Variants in UPP2 observed in about 807,000 individuals in gnomAD.
UPP2 encodes UPase 2.
In UPP2, 23 loss-of-function variants were observed where a neutral mutation model predicts 26.7. The observed-to-expected ratio is 0.86, with a 90% CI of 0.62 to 1.22. The LOEUF is 1.22. Ranked by LOEUF, UPP2 falls within the 50% of genes most tolerant of loss-of-function variation. UPP2 has a pLI of 0.00. For synonymous variants in UPP2, 127 were observed against 141.3 expected (o/e 0.90, Z 0.72); for missense variants, 387 against 396.7 (o/e 0.98, Z 0.21).
At chr2:158,024,038 A>G (rs1683797017) in intron 3 of UPP2, among the ~76,000 whole-genome samples, 1 of 152,234 alleles carries the variant, frequency 6.6e-6, no homozygotes, top group African/African-American at 2.4e-5. Flanking sequence ...TTGAATGTGC[A>G]TTAAAAATTC....
In UPP2 at chr2:158,058,075, C is replaced by A. The variant is rs770833730; in HGVS notation, c.147+42189C>A. ...TTGGGAGGCCAAGGCGGGCGGATCACGAGGTCAGGAGATCGAGACCATCCT... is the reference window on the plus strand; with the variant it reads ...TTGGGAGGCCAAGGCGGGCGGATCAAGAGGTCAGGAGATCGAGACCATCCT... On this transcript the variant is annotated intron_variant, in intron 3 of 9. Coordinates refer to the UPP2 transcript ENST00000605860. 3.3e-5 allele frequency among the ~76,000 whole-genome samples: 5 copies of A among 151,976 alleles called. No individual in the cohort carries two copies. In the East Asian group the frequency reaches 7.7e-4, roughly 23 times the overall value.
chr2:158,114,731 G>A (rs189290871), intron 2 of UPP2, among the ~76,000 whole-genome samples: 6 of 152,296 alleles, frequency 3.9e-5, no homozygotes, highest in East Asian at 1.9e-4. Context: ...CTCACGTGCC[G>A]TGGCCTCAGA....
Position 158,115,268 on chromosome 2 carries a change from C to T in UPP2, c.339+9C>T. 1 of 1,588,470 alleles carries T rather than the reference C, an allele frequency of 6.3e-7. No homozygotes were observed. Among genetic ancestry groups the T allele is most frequent in the Non-Finnish European group, 8.6e-7 (1 of 1,167,864 alleles). ...CTGTGCTCGCCATCAGTGTAAGTAT[C>T]CATGGTTGCATTTCAGCTAGTCATT... On this transcript the variant is annotated intron_variant, in intron 3 of 6. Coordinates refer to ENST00000005756, the MANE Select transcript of UPP2 (RefSeq NM_173355.4).
At chr2:158,058,373 G>GCTCTCT (rs869246675) in intron 3 of UPP2, among the ~76,000 whole-genome samples, 26 of 37,596 alleles carry the variant, frequency 6.9e-4, no homozygotes, top group East Asian at 4.9e-3. Context: ...ATGCTTGTAT[G>GCTCTCT]CTCTCTCTCT....
chr2:158,024,566 T>C (rs942688973), intron 3 of UPP2, among the ~76,000 whole-genome samples: 1 of 152,206 alleles, frequency 6.6e-6, no homozygotes, highest in Admixed American at 6.5e-5. Flanking sequence ...ATTTTCAATG[T>C]TAAATGTCAT....
rs565657309 is a variant in UPP2, at chr2:158,109,914, G to GA, written c.180+3703dup. The stretch of plus-strand genomic sequence containing the variant: ...AAGGCAGGAAATAGTTTGAACTGAG[G>GA]AAAAATGAAAATACAACATATTATA... On this transcript the variant is annotated intron_variant, in intron 2 of 6. Transcript: ENST00000005756. Among the ~76,000 whole-genome samples, 158 of 152,236 alleles carry GA rather than the reference G, an allele frequency of 1.0e-3. 4 individuals carry two copies. The South Asian group carries it at 0.024, about 23-fold the overall frequency.
chr2:158,033,429 T>G (rs1429219468), intron 3 of UPP2, among the ~76,000 whole-genome samples: 3 of 152,256 alleles, frequency 2.0e-5, no homozygotes, highest in South Asian at 2.1e-4. Flanking sequence ...CTCTTATGAC[T>G]GCAGATGGGA....
chr2:158,073,711 C>T (rs1206881447), intron 3 of UPP2, among the ~76,000 whole-genome samples: 1 of 152,166 alleles, frequency 6.6e-6, no homozygotes, highest in African/African-American at 2.4e-5. Context: ...AGGAAACAAA[C>T]TTTTACCCTA....
chr2:158,127,977 T>C, intron 6 of UPP2: 13 of 985,264 alleles, frequency 1.3e-5, no homozygotes, highest in Non-Finnish European at 1.6e-5. Context: ...AAATCTACTT[T>C]AATTAAGCCC....
chr2:158,019,802 A>T (rs7578519), intron 3 of UPP2, among the ~76,000 whole-genome samples: 6,458 of 152,146 alleles, frequency 0.042, 465 homozygotes, highest in African/African-American at 0.15. Context: ...CAGTATATAT[A>T]TTTTTTAAGA....
intron 3 of UPP2, among the ~76,000 whole-genome samples, chr2:158,086,503 A>T (rs991234815): frequency 6.6e-6 from 1 of 151,536 alleles, no homozygotes; most frequent in Non-Finnish European, 1.5e-5. Context: ...TTCTGCTCTG[A>T]TCATTGTTAT....
chr2:158,111,700 C>A (rs555773580), intron 2 of UPP2, among the ~76,000 whole-genome samples: 1 of 152,066 alleles, frequency 6.6e-6, no homozygotes, highest in East Asian at 1.9e-4. Context: ...TTTAAATATT[C>A]CATTTTTATT....
intron 2 of UPP2, among the ~76,000 whole-genome samples, chr2:158,114,729 C>T (rs1683388054): frequency 6.6e-6 from 1 of 152,194 alleles, no homozygotes; most frequent in South Asian, 2.1e-4. Context: ...CACTCACGTG[C>T]CGTGGCCTCA....
At chr2:158,112,147 A>G (rs1157589216) in intron 2 of UPP2, among the ~76,000 whole-genome samples, 1 of 152,200 alleles carries the variant, frequency 6.6e-6, no homozygotes, top group African/African-American at 2.4e-5. Flanking sequence ...CAGGATAGCC[A>G]AAATAGTTTT....
At chr2:158,058,624 TG>T (rs912121094) in intron 3 of UPP2, among the ~76,000 whole-genome samples, 3 of 151,908 alleles carry the variant, frequency 2.0e-5, no homozygotes, top group African/African-American at 7.3e-5. Flanking sequence ...ATCCAGTCTG[TG>T]GTATTTTTTT....
intron 3 of UPP2, among the ~76,000 whole-genome samples, chr2:158,037,110 C>T (rs1684014235): frequency 6.6e-6 from 1 of 152,042 alleles, no homozygotes; most frequent in African/African-American, 2.4e-5. Context: ...TGTGGTGGCT[C>T]ACACCTGTAA....
chr2:158,054,888 C>T (rs754500925), intron 3 of UPP2, among the ~76,000 whole-genome samples: 4 of 152,094 alleles, frequency 2.6e-5, no homozygotes, highest in Non-Finnish European at 5.9e-5. Flanking sequence ...GAATTATCAC[C>T]ACCATCCATC....
chr2:158,090,713 G>C (rs1466086024), intron 3 of UPP2, among the ~76,000 whole-genome samples: 1 of 152,156 alleles, frequency 6.6e-6, no homozygotes, highest in East Asian at 1.9e-4. Context: ...AGACATAAAA[G>C]GAGTATTGTC....
At chr2:158,025,942 C>T (rs1476138361) in intron 3 of UPP2, among the ~76,000 whole-genome samples, 4 of 152,086 alleles carry the variant, frequency 2.6e-5, no homozygotes, top group African/African-American at 4.8e-5. Context: ...ATTTCAGCTT[C>T]GTCTGGAAGA....
Sources: gnomAD v4.1 joint callset for allele counts (sites outside exome capture counted in the v4.1 genomes callset) on GRCh38, gnomAD v4.1.1 for gene constraint, MANE v1.5 for transcripts, NCBI Gene and HGNC (gene_info 2026-07-23, HGNC 2026-07-21) for gene names.